The following RRAS2 variants were observed in gnomAD, a reference collection of about 807,000 sequenced individuals.
RRAS2 encodes the protein RAS related 2.
RRAS2 carries 7 observed loss-of-function variants against 27.6 expected under a neutral mutation model. The observed-to-expected ratio is 0.25, with a 90% CI of 0.14 to 0.48. The LOEUF (loss-of-function observed/expected upper bound fraction) is 0.48, where lower values mean the gene tolerates loss of function less well. Ranked by LOEUF, RRAS2 falls within the 20% of genes least tolerant of loss-of-function variation. The pLI, the probability that RRAS2 is intolerant of heterozygous loss-of-function variation, is 0.99. For synonymous variants in RRAS2, 86 were observed against 90.9 expected, an observed-to-expected ratio of 0.95 and a Z score of 0.31; for missense variants, 178 against 256.2, an observed-to-expected ratio of 0.69 and a Z score of 2.08.
intron 4 of RRAS2, among the ~76,000 whole-genome samples, chr11:14,293,124 A>AAGATATATATAT (rs1554946033): frequency 1.3e-5 from 1 of 76,822 alleles, no homozygotes; most frequent in Non-Finnish European, 2.3e-5. Context: ...AAACAAAACA[A>AAGATATATATAT]ATATATATAT....
At chr11:14,344,522 T>TA (rs1476972313) in intron 1 of RRAS2, among the ~76,000 whole-genome samples, 1 of 152,224 alleles carries the variant, frequency 6.6e-6, no homozygotes, top group Non-Finnish European at 1.5e-5. Context: ...TTCTGAAACT[T>TA]AAACATTAAA....
intron 5 of RRAS2, among the ~76,000 whole-genome samples, chr11:14,280,464 C>T (rs1161590575): frequency 6.6e-6 from 1 of 151,988 alleles, no homozygotes; most frequent in African/African-American, 2.4e-5. Flanking sequence ...TGCGGTGGCT[C>T]ACGCTGTAAT....
intron 1 of RRAS2, among the ~76,000 whole-genome samples, chr11:14,325,769 T>TA (rs533949137): frequency 2.2e-4 from 34 of 151,960 alleles, no homozygotes; most frequent in African/African-American, 7.0e-4. Flanking sequence ...TGGAAGACTG[T>TA]AAAAAAAAAT....
At chr11:14,361,061 G>A (rs1337563921), upstream of RRAS2, among the ~76,000 whole-genome samples, 3 of 151,954 alleles carry the variant, frequency 2.0e-5, no homozygotes, top group Non-Finnish European at 4.4e-5. Flanking sequence ...CGAGGGAGGC[G>A]GATTGCTCGC....
chr11:14,328,664 A>G (rs751808073), intron 1 of RRAS2, among the ~76,000 whole-genome samples: 15 of 151,188 alleles, frequency 9.9e-5, no homozygotes, highest in Non-Finnish European at 1.9e-4. Context: ...ATACACATAC[A>G]CCAATTTTTT....
At chr11:14,295,973 G>C (rs1847536916) in intron 1 of RRAS2, 118 bp from the exon 2 acceptor site, 4 of 817,606 alleles carry the variant, frequency 4.9e-6, no homozygotes, top group Non-Finnish European at 7.7e-6. Context: ...AGGAGTTTGA[G>C]ACCAGCCTGG....
intron 1 of RRAS2, among the ~76,000 whole-genome samples, chr11:14,337,504 T>C (rs1452477851): frequency 2.0e-5 from 3 of 151,900 alleles, no homozygotes; most frequent in African/African-American, 7.2e-5. Context: ...CAAGTAGGCA[T>C]TATCTCATAT....
At chr11:14,347,586 A>C (rs782087505) in intron 1 of RRAS2, among the ~76,000 whole-genome samples, 7 of 152,098 alleles carry the variant, frequency 4.6e-5, no homozygotes, top group Non-Finnish European at 8.8e-5. Flanking sequence ...TTGGGAGGCC[A>C]AGACAGGAGG....
chr11:14,337,218 C>G (rs528902754), intron 1 of RRAS2: 22 of 152,302 alleles, frequency 1.4e-4, no homozygotes, highest in African/African-American at 5.3e-4. Flanking sequence ...TTCTGAGTAG[C>G]CTGATGAAAT....
intron 4 of RRAS2, 68 bp from the exon 5 acceptor site, chr11:14,281,788 C>G: frequency 7.5e-7 from 1 of 1,333,522 alleles, no homozygotes. Flanking sequence ...TAATCCTGGC[C>G]ACAGATTGTG....
At chr11:14,281,246 A>G (rs1023754239) in intron 5 of RRAS2, among the ~76,000 whole-genome samples, 6 of 152,186 alleles carry the variant, frequency 3.9e-5, no homozygotes, top group Non-Finnish European at 8.8e-5. Context: ...TGAGGATAAA[A>G]CAGTATTTAG....
intron 1 of RRAS2, among the ~76,000 whole-genome samples, chr11:14,356,075 C>T (rs1201840094): frequency 6.6e-6 from 1 of 152,136 alleles, no homozygotes; most frequent in Non-Finnish European, 1.5e-5. Context: ...TGTGGTCCAC[C>T]ATATTTCCCC....
chr11:14,290,995 A>T (rs1353703983), intron 4 of RRAS2, among the ~76,000 whole-genome samples: 2 of 152,206 alleles, frequency 1.3e-5, no homozygotes, highest in Admixed American at 1.3e-4. Flanking sequence ...AATGTCCATG[A>T]GTTGGTGAGA....
upstream of RRAS2, among the ~76,000 whole-genome samples, chr11:14,361,102 C>T (rs1170538779): frequency 1.3e-5 from 2 of 151,954 alleles, no homozygotes; most frequent in Non-Finnish European, 2.9e-5. Flanking sequence ...CCAGCCTGGC[C>T]AACATGCCAA....
intron 1 of RRAS2, among the ~76,000 whole-genome samples, chr11:14,302,156 T>G (rs762382998): frequency 6.6e-6 from 1 of 150,970 alleles, no homozygotes; most frequent in Admixed American, 6.6e-5. Flanking sequence ...TTCTCCTTCT[T>G]GAGCTCCTGC....
rs1451360762 is a variant in RRAS2 at position 14,347,257 on chromosome 11, AAAT to A, written c.108+11503_108+11505del. On this transcript the variant is annotated intron_variant, in intron 1 of 5. Coordinates refer to ENST00000256196, the MANE Select transcript of RRAS2 (RefSeq NM_012250.6). Reference sequence around the variant, plus strand: ...AACCAGGTAGAATGATAGAAATGGCAAATAAAAGCAATAACCCTTAATGACAAA... The same window carrying A: ...AACCAGGTAGAATGATAGAAATGGCAAAAAGCAATAACCCTTAATGACAAA... Among the ~76,000 whole-genome samples, 5 of 152,356 alleles carry A rather than the reference AAAT, an allele frequency of 3.3e-5. No individual in the cohort carries two copies. In the East Asian group the frequency reaches 9.6e-4, roughly 29 times the overall value.
At chr11:14,352,772 GA>G (rs1848988637) in intron 1 of RRAS2, among the ~76,000 whole-genome samples, 1 of 148,624 alleles carries the variant, frequency 6.7e-6, no homozygotes, top group African/African-American at 2.5e-5. Context: ...GAGAGAGAGA[GA>G]GAGAGAGGGA....
intron 5 of RRAS2, among the ~76,000 whole-genome samples, chr11:14,280,674 C>T (rs530095913): frequency 4.9e-5 from 6 of 122,144 alleles, no homozygotes; most frequent in South Asian, 2.8e-4. Context: ...TGTAATGAGC[C>T]GAGATCACAC....
chr11:14,346,949 G>A (rs997848103), intron 1 of RRAS2, among the ~76,000 whole-genome samples: 5 of 152,130 alleles, frequency 3.3e-5, no homozygotes, highest in Non-Finnish European at 4.4e-5. Flanking sequence ...GAGGCCAGGA[G>A]TTTAAGACTA....
Sources: gnomAD v4.1 joint callset for allele counts (sites outside exome capture counted in the v4.1 genomes callset) on GRCh38, gnomAD v4.1.1 for gene constraint, MANE v1.5 for transcripts, NCBI Gene and HGNC (gene_info 2026-07-23, HGNC 2026-07-21) for gene names.